Variants in NYAP2 observed in about 807,000 individuals in gnomAD.
NYAP2 encodes the protein neuronal tyrosine-phosphorylated phosphoinositide-3-kinase adaptor 2.
NYAP2 carries 23 observed loss-of-function variants against 50.4 expected under a neutral mutation model. The observed-to-expected ratio is 0.46, with a 90% CI of 0.33 to 0.65. NYAP2 has a LOEUF of 0.65. Among genes scored for constraint, NYAP2 ranks in the 30% least tolerant of loss-of-function variants. NYAP2 has a pLI of 0.02. For synonymous variants in NYAP2, 394 were observed against 365.2 expected (o/e 1.08, Z -0.90); for missense variants, 885 against 861.0 (o/e 1.03, Z -0.35).
the NYAP2 span, among the ~76,000 whole-genome samples, chr2:225,671,005 AGTAGAAG>A: frequency 6.6e-6 from 1 of 152,132 alleles, no homozygotes; most frequent in East Asian, 1.9e-4. Context: ...TGTTTTTGCC[AGTAGAAG>A]GTCTTTCCTC....
intron 5 of NYAP2, among the ~76,000 whole-genome samples, chr2:225,620,841 C>T (rs140452200): frequency 3.9e-5 from 6 of 152,120 alleles, no homozygotes; most frequent in East Asian, 1.9e-4. Flanking sequence ...GAGGGCCAGG[C>T]GCGGTGGCTC....
At chr2:225,482,061 A>G (rs1690215767) in intron 3 of NYAP2, among the ~76,000 whole-genome samples, 1 of 152,230 alleles carries the variant, frequency 6.6e-6, no homozygotes, top group African/African-American at 2.4e-5. Context: ...ATGAAGCCAC[A>G]GTATACAAAA....
At chr2:225,483,732 A>G (rs1316386070) in intron 3 of NYAP2, among the ~76,000 whole-genome samples, 1 of 152,230 alleles carries the variant, frequency 6.6e-6, no homozygotes, top group African/African-American at 2.4e-5. Context: ...TTGAGTCCCA[A>G]AAAGGTTTAT....
rs981466228 is a variant in NYAP2, at chr2:225,550,480, G to A, written c.524-31461G>A. ...AAATAATCTCAGACGTGGTGGAGGCGTAAGCCAAATTGGGGTGGAGGTTGA... is the reference window on the plus strand; with the variant it reads ...AAATAATCTCAGACGTGGTGGAGGCATAAGCCAAATTGGGGTGGAGGTTGA... On this transcript the variant is annotated intron_variant, in intron 4 of 6. Coordinates refer to ENST00000636099, the Ensembl canonical transcript of NYAP2. 2.0e-5 allele frequency among the ~76,000 whole-genome samples: 3 copies of A among 152,222 alleles called. 1 individual carries two copies. The highest frequency in any genetic ancestry group is 4.1e-4 in the South Asian group (2 of 4,832).
chr2:225,559,711 T>C (rs1691840319), intron 4 of NYAP2, among the ~76,000 whole-genome samples: 1 of 152,034 alleles, frequency 6.6e-6, no homozygotes, highest in South Asian at 2.1e-4. Flanking sequence ...AATATTAGAT[T>C]GAAATGAAGT....
At chr2:225,485,857 A>C (rs2106167823) in intron 3 of NYAP2, among the ~76,000 whole-genome samples, 1 of 152,316 alleles carries the variant, frequency 6.6e-6, no homozygotes, top group Middle Eastern at 3.4e-3. Context: ...GGACTGGATG[A>C]GTTTTTGCTG....
At chr2:225,647,025 G>C (rs2106269866) in intron 6 of NYAP2, among the ~76,000 whole-genome samples, 1 of 151,978 alleles carries the variant, frequency 6.6e-6, no homozygotes, top group Non-Finnish European at 1.5e-5. Flanking sequence ...TAATCTTTAG[G>C]TACCTTAGGT....
At chr2:225,615,145 C>T (rs1376038027) in intron 5 of NYAP2, among the ~76,000 whole-genome samples, 2 of 152,158 alleles carry the variant, frequency 1.3e-5, no homozygotes, top group Non-Finnish European at 2.9e-5. Flanking sequence ...ATACAGCTCT[C>T]CCTAGCTGCA....
At chr2:225,535,630 T>C (rs1468394315) in intron 4 of NYAP2, among the ~76,000 whole-genome samples, 1 of 152,116 alleles carries the variant, frequency 6.6e-6, no homozygotes, top group African/African-American at 2.4e-5. Context: ...GTGGTCTGAG[T>C]GGAAGAGTGG....
At chr2:225,681,458 G>A in the NYAP2 span, among the ~76,000 whole-genome samples, 6 of 152,304 alleles carry the variant, frequency 3.9e-5, no homozygotes, top group Admixed American at 2.0e-4. Flanking sequence ...TAATATCTTA[G>A]GGCTTGTGGA....
chr2:225,459,831 C>G (rs1403400126), intron 3 of NYAP2, among the ~76,000 whole-genome samples: 1 of 151,942 alleles, frequency 6.6e-6, no homozygotes, highest in Non-Finnish European at 1.5e-5. Flanking sequence ...CGCCACCACG[C>G]CTGGCTAATT....
intron 5 of NYAP2, among the ~76,000 whole-genome samples, chr2:225,603,393 T>C (rs1692730242): frequency 1.3e-5 from 2 of 152,134 alleles, no homozygotes; most frequent in South Asian, 4.1e-4. Flanking sequence ...GATGTGACAG[T>C]CAAGTATATT....
chr2:225,518,050 A>G (rs904012545), intron 4 of NYAP2, among the ~76,000 whole-genome samples: 2 of 152,152 alleles, frequency 1.3e-5, no homozygotes, highest in Non-Finnish European at 2.9e-5. Context: ...CACAATAGCC[A>G]AGATATGGAA....
Position 225,582,854 on chromosome 2 carries a change from C to T in NYAP2, c.1437C>T (p.Pro479=), listed in dbSNP as rs774130262. 4.3e-6 allele frequency: 7 copies of T among 1,613,818 alleles called. No homozygotes were observed. The highest frequency in any genetic ancestry group is 1.1e-5 in the South Asian group (1 of 91,082). The change falls in exon 5 of 7, where the codon CCC becomes CCT. Residue 479 remains proline, a synonymous_variant. Transcript: ENST00000636099. This position sits in a 1 kb window ranked among gnomAD's most constrained non-coding sequence, Gnocchi z 7.0. ...CAGTGCCTCACTCGACCCCCAGACC[C>T]GTGTCGCAAGATGGGGCCAAGATGG...
intron 4 of NYAP2, among the ~76,000 whole-genome samples, chr2:225,547,314 G>A (rs1042900404): frequency 5.9e-5 from 9 of 152,120 alleles, no homozygotes; most frequent in Non-Finnish European, 1.2e-4. Flanking sequence ...TGGACACCCC[G>A]GCTTGTGTCT....
intron 5 of NYAP2, among the ~76,000 whole-genome samples, chr2:225,617,248 G>A (rs1337221560): frequency 1.3e-5 from 2 of 152,036 alleles, no homozygotes; most frequent in Admixed American, 1.3e-4. Flanking sequence ...TCAATATGGT[G>A]AAACCCCATC....
chr2:225,467,897 C>T (rs377377539), intron 3 of NYAP2, among the ~76,000 whole-genome samples: 28 of 152,138 alleles, frequency 1.8e-4, no homozygotes, highest in African/African-American at 6.3e-4. Flanking sequence ...GCCACTACTC[C>T]AAGTCTCCTG....
chr2:225,651,739 G>T (rs1693736160), exon 7 of NYAP2: 4 of 705,502 alleles, frequency 5.7e-6, no homozygotes, highest in South Asian at 2.1e-5. Context: ...CCTTGTGATT[G>T]GTGGTGAAAC....
the NYAP2 span, among the ~76,000 whole-genome samples, chr2:225,664,873 A>G: frequency 3.3e-5 from 5 of 152,272 alleles, no homozygotes; most frequent in East Asian, 9.7e-4. Flanking sequence ...AGTCCATCTC[A>G]AAAACAAACA....
Sources: gnomAD v4.1 joint callset for allele counts (sites outside exome capture counted in the v4.1 genomes callset) on GRCh38, gnomAD v4.1.1 for gene constraint, Gnocchi (gnomAD v3.1) non-coding constraint, MANE v1.5 for transcripts, NCBI Gene and HGNC (gene_info 2026-07-23, HGNC 2026-07-21) for gene names.